Variants in MACROD2 observed in about 807,000 individuals in gnomAD.
MACROD2 encodes the protein mono-ADP ribosylhydrolase 2, also known as ADP-ribose glycohydrolase MACROD2.
Under a neutral mutation model 70.4 loss-of-function variants are expected in MACROD2, and 36 were observed. The ratio of observed to expected loss-of-function variants is 0.51; its 90% confidence interval spans 0.39 to 0.68. The LOEUF (loss-of-function observed/expected upper bound fraction) is 0.68. Among genes scored for constraint, MACROD2 ranks in the 30% least tolerant of loss-of-function variants. MACROD2 has a pLI of 0.00. For synonymous variants in MACROD2, 172 were observed against 178.8 expected, an observed-to-expected ratio of 0.96 and a Z score of 0.30; for missense variants, 496 against 538.4, an observed-to-expected ratio of 0.92 and a Z score of 0.78.
intron 4 of MACROD2, among the ~76,000 whole-genome samples, chr20:14,540,078 A>G (rs2085412576): frequency 6.6e-6 from 1 of 152,242 alleles, no homozygotes; most frequent in Non-Finnish European, 1.5e-5. Flanking sequence ...ATATTCACAT[A>G]CATTTTTAAA....
intron 5 of MACROD2, among the ~76,000 whole-genome samples, chr20:15,199,238 C>A (rs2076634225): frequency 6.6e-6 from 1 of 152,040 alleles, no homozygotes; most frequent in East Asian, 1.9e-4. Context: ...TGCCTATAGT[C>A]CCAGCTACTT....
At chr20:15,546,771 A>G (rs1357511724) in intron 8 of MACROD2, among the ~76,000 whole-genome samples, 1 of 152,158 alleles carries the variant, frequency 6.6e-6, no homozygotes, top group Non-Finnish European at 1.5e-5. Context: ...CTCCCAGAGC[A>G]ATTAAAAGGT....
intron 3 of MACROD2, among the ~76,000 whole-genome samples, chr20:14,431,207 A>T (rs2083990871): frequency 1.3e-5 from 2 of 152,164 alleles, no homozygotes. Flanking sequence ...TTAACATTTG[A>T]GTGATAATTA....
intron 5 of MACROD2, among the ~76,000 whole-genome samples, chr20:14,937,159 A>G (rs1051971037): frequency 2.6e-5 from 4 of 151,996 alleles, no homozygotes; most frequent in African/African-American, 9.7e-5. Flanking sequence ...GTGGATGCAG[A>G]GGAGTAGGAC....
In MACROD2 at chr20:14,657,328, A is replaced by T. The variant is rs545329944; in HGVS notation, c.302-27515A>T. Reference sequence around the variant, plus strand: ...ATTCTGCTCCTGGCAGTTGTGGCTTATTTGGTACTTGTTACAGCCACTTTA... The same window carrying T: ...ATTCTGCTCCTGGCAGTTGTGGCTTTTTTGGTACTTGTTACAGCCACTTTA... On this transcript the variant is annotated intron_variant, in intron 4 of 17. Coordinates refer to ENST00000684519, the MANE Select transcript of MACROD2 (RefSeq NM_001351661.2). Among the ~76,000 whole-genome samples, 58 of 152,308 alleles carry T rather than the reference A, an allele frequency of 3.8e-4. No individual in the cohort carries two copies. The East Asian group carries it at 5.4e-3, about 14-fold the overall frequency.
chr20:15,819,197 C>CTATATATTTATATATATACAAATA (rs2063908745), intron 8 of MACROD2, among the ~76,000 whole-genome samples: 4 of 138,292 alleles, frequency 2.9e-5, no homozygotes. Flanking sequence ...AAATCTGTAT[C>CTATATATTTATATATATACAAATA]TATATATTTA....
chr20:14,105,420 C>G (rs940047466), intron 3 of MACROD2, among the ~76,000 whole-genome samples: 2 of 152,210 alleles, frequency 1.3e-5, no homozygotes, highest in East Asian at 3.9e-4. Flanking sequence ...ATGCTGGGCT[C>G]AGCCAGTACC....
chr20:14,226,771 G>A (rs2081739964), intron 3 of MACROD2, among the ~76,000 whole-genome samples: 2 of 152,230 alleles, frequency 1.3e-5, no homozygotes, highest in African/African-American at 2.4e-5. Context: ...CCTGCAGCCC[G>A]CCATGCCTGA....
intron 5 of MACROD2, among the ~76,000 whole-genome samples, chr20:15,088,846 G>A (rs1452051585): frequency 6.6e-6 from 1 of 152,006 alleles, no homozygotes; most frequent in Non-Finnish European, 1.5e-5. Flanking sequence ...CCTCTTAGGA[G>A]GAGAGTGGTA....
chr20:15,743,422 A>T (rs866109480), intron 8 of MACROD2, among the ~76,000 whole-genome samples: 2 of 152,118 alleles, frequency 1.3e-5, no homozygotes, highest in African/African-American at 4.8e-5. Context: ...GCAGCCTAGG[A>T]AAAAAGGGTA....
At chr20:14,692,965 C>T (rs2123614856) in intron 5 of MACROD2, among the ~76,000 whole-genome samples, 1 of 152,278 alleles carries the variant, frequency 6.6e-6, no homozygotes, top group East Asian at 1.9e-4. Context: ...CTGGTGTTTA[C>T]ACTGTTGTAT....
intron 5 of MACROD2, among the ~76,000 whole-genome samples, chr20:14,999,257 G>A (rs2074974382): frequency 6.6e-6 from 1 of 152,224 alleles, no homozygotes; most frequent in Non-Finnish European, 1.5e-5. Context: ...AACACTCATT[G>A]TGGTGTGTAA....
At chr20:14,965,443 A>ATTTTT (rs1479327790) in intron 5 of MACROD2, among the ~76,000 whole-genome samples, 4 of 83,082 alleles carry the variant, frequency 4.8e-5, no homozygotes, top group East Asian at 3.3e-4. Flanking sequence ...GCTAAAAGTT[A>ATTTTT]TTTTTTTTTC....
intron 15 of MACROD2, among the ~76,000 whole-genome samples, chr20:16,000,628 G>A (rs1053118122): frequency 2.6e-5 from 4 of 152,196 alleles, no homozygotes; most frequent in African/African-American, 9.7e-5. Flanking sequence ...TGTACGTAGA[G>A]TTCATAAAGT....
chr20:14,527,511 A>AC (rs397694991), intron 4 of MACROD2, among the ~76,000 whole-genome samples: 1 of 150,656 alleles, frequency 6.6e-6, no homozygotes, highest in Admixed American at 6.6e-5. Flanking sequence ...GGCAAAAAAA[A>AC]CCATGGTTCT....
chr20:15,522,484 G>A (rs73098216), intron 8 of MACROD2, among the ~76,000 whole-genome samples: 9,738 of 152,240 alleles, frequency 0.064, 433 homozygotes, highest in Non-Finnish European at 0.1. Flanking sequence ...AAAGATACAT[G>A]TGTGTGTATA....
intron 6 of MACROD2, among the ~76,000 whole-genome samples, chr20:15,415,413 C>T (rs2046133299): frequency 6.6e-6 from 1 of 152,132 alleles, no homozygotes; most frequent in East Asian, 1.9e-4. Context: ...CTGTCATTTT[C>T]CATGTTGAAG....
chr20:14,342,793 C>T (rs1429480776), intron 3 of MACROD2, among the ~76,000 whole-genome samples: 1 of 152,136 alleles, frequency 6.6e-6, no homozygotes, highest in Non-Finnish European at 1.5e-5. Flanking sequence ...ATTCCCAAAA[C>T]ATTCTGCACT....
At chr20:15,581,079 A>G (rs966953365) in intron 8 of MACROD2, among the ~76,000 whole-genome samples, 3 of 152,208 alleles carry the variant, frequency 2.0e-5, no homozygotes, top group Middle Eastern at 3.2e-3. Context: ...CTTTAGGCAG[A>G]TAAAGGAACT....
Sources: allele counts gnomAD v4.1 joint callset (sites outside exome capture counted in the v4.1 genomes callset), GRCh38; gene constraint gnomAD v4.1.1; transcripts MANE v1.5; gene names NCBI Gene and HGNC (gene_info 2026-07-23, HGNC 2026-07-21).